Variants in HERC2 observed in about 807,000 individuals in gnomAD.
HERC2 encodes E3 ubiquitin-protein ligase HERC2.
HERC2 carries 102 observed loss-of-function variants against 537.7 expected under a neutral mutation model. That is an observed-to-expected ratio of 0.19 (90% CI 0.16 to 0.22). HERC2 has a LOEUF of 0.22. Ranked by LOEUF, HERC2 falls within the 10% of genes least tolerant of loss-of-function variation. The pLI, the probability that HERC2 is intolerant of heterozygous loss-of-function variation, is 1.00. For missense variants in HERC2, 4,236 were observed against 6,198.2 expected (o/e 0.68, Z 10.63); for synonymous variants, 2,224 against 2,466.2 (o/e 0.90, Z 2.91).
chr15:28,297,683 C>G (rs2076506560), intron 3 of HERC2, among the ~76,000 whole-genome samples: 1 of 152,182 alleles, frequency 6.6e-6, no homozygotes, highest in African/African-American at 2.4e-5. Flanking sequence ...GGAGAAACAT[C>G]AGGCCAACTA....
intron 55 of HERC2, among the ~76,000 whole-genome samples, chr15:28,189,993 CTTTTT>C (rs897974306): frequency 1.4e-5 from 2 of 147,256 alleles, no homozygotes; most frequent in African/African-American, 5.1e-5. Context: ...ACAAAAATAT[CTTTTT>C]TTTTCTTTCT....
At chr15:28,291,018 G>T (rs550628987) in intron 4 of HERC2, among the ~76,000 whole-genome samples, 1 of 152,244 alleles carries the variant, frequency 6.6e-6, no homozygotes, top group Admixed American at 6.5e-5. Context: ...ACCAACAACT[G>T]GTTCTTTGAA....
intron 68 of HERC2, 41 bp downstream of exon 68, chr15:28,167,646 A>C (rs372733603): frequency 6.2e-7 from 1 of 1,609,412 alleles, no homozygotes; most frequent in South Asian, 1.1e-5. Context: ...TACATTTAAG[A>C]TTATTTCACA....
intron 57 of HERC2, among the ~76,000 whole-genome samples, chr15:28,181,577 A>G (rs992832836): frequency 6.6e-6 from 1 of 152,270 alleles, no homozygotes; most frequent in African/African-American, 2.4e-5. Flanking sequence ...AACAGGAAGC[A>G]TAAGCTCACG....
At chr15:28,254,202 G>C (rs2075178597) in intron 20 of HERC2, 138 bp downstream of exon 20, 2 of 587,192 alleles carry the variant, frequency 3.4e-6, no homozygotes, top group Non-Finnish European at 5.8e-6. Context: ...AGAATCACTT[G>C]AACCTGGGAG....
chr15:28,198,210 G>T (rs529516745), intron 50 of HERC2, among the ~76,000 whole-genome samples, 168 bp downstream of exon 50: 24 of 152,272 alleles, frequency 1.6e-4, no homozygotes, highest in Non-Finnish European at 3.1e-4. Context: ...TTCACTGCAG[G>T]TGAGTTCCTC....
chr15:28,206,106 A>G, intron 45 of HERC2, 134 bp downstream of exon 45: 1 of 564,328 alleles, frequency 1.8e-6, no homozygotes, highest in Non-Finnish European at 3.1e-6. Context: ...GTTAAACCCC[A>G]ATGAATCATT....
chr15:28,303,178 C>T (rs1195080016), intron 2 of HERC2, among the ~76,000 whole-genome samples: 5 of 152,156 alleles, frequency 3.3e-5, no homozygotes, highest in African/African-American at 1.2e-4. Context: ...ATGTGATTTT[C>T]GTATATGGTG....
At chr15:28,263,245 T>C in intron 14 of HERC2, 76 bp from the exon 15 acceptor site, 4 of 1,510,294 alleles carry the variant, frequency 2.6e-6, no homozygotes, top group Admixed American at 1.9e-5. Flanking sequence ...GCAAATAATA[T>C]AATGAAAAAC....
intron 32 of HERC2, 39 bp from the exon 33 acceptor site, chr15:28,229,635 A>G: frequency 2.5e-6 from 4 of 1,603,646 alleles, no homozygotes; most frequent in Non-Finnish European, 3.4e-6. Flanking sequence ...TGTTATGTAT[A>G]TTACCCAATG....
At chr15:28,153,073 G>A (rs1381925927) in intron 69 of HERC2, among the ~76,000 whole-genome samples, 1 of 152,238 alleles carries the variant, frequency 6.6e-6, no homozygotes, top group Non-Finnish European at 1.5e-5. Flanking sequence ...AGTCGTTGGG[G>A]CCAGGCACGG....
intron 3 of HERC2, chr15:28,298,668 C>G (rs370644793): frequency 6.6e-6 from 1 of 151,878 alleles, no homozygotes; most frequent in Non-Finnish European, 1.5e-5. Flanking sequence ...TGGTGGCGGG[C>G]GCCTGTAGTC....
At position 28,149,218 on chromosome 15, in the gene HERC2, G is replaced by A. The variant is rs142484179; in HGVS notation, c.10901-2874C>T. Among the ~76,000 whole-genome samples the A allele has an allele frequency of 2.5e-3, 375 of 149,446 alleles. 2 individuals carry two copies. The highest frequency in any genetic ancestry group is 8.5e-3 in the African/African-American group (346 of 40,586). On this transcript the variant is annotated intron_variant, in intron 70 of 92. Coordinates refer to ENST00000261609, the MANE Select transcript of HERC2 (RefSeq NM_004667.6). ...CTAGAAAAATTACCGAAAAATACAC[G>A]CAGCTCCTAACTGAAAACATCACCG...
At chr15:28,280,554 C>G (rs2075995289) in intron 4 of HERC2, among the ~76,000 whole-genome samples, 1 of 152,110 alleles carries the variant, frequency 6.6e-6, no homozygotes, top group Non-Finnish European at 1.5e-5. Context: ...GAGTGCGGCA[C>G]ATGACAGAGA....
chr15:28,211,414 G>A (rs1347688372), intron 43 of HERC2, among the ~76,000 whole-genome samples: 2 of 151,680 alleles, frequency 1.3e-5, no homozygotes, highest in East Asian at 1.9e-4. Context: ...AACACGGTTA[G>A]AACCATGTTA....
chr15:28,271,561 C>T (rs2075729147), intron 9 of HERC2, among the ~76,000 whole-genome samples: 1 of 151,850 alleles, frequency 6.6e-6, no homozygotes, highest in African/African-American at 2.4e-5. Flanking sequence ...CCCAGCTACT[C>T]GGGAGGCTGA....
chr15:28,195,985 A>C (rs1897313488), intron 52 of HERC2, among the ~76,000 whole-genome samples: 3 of 152,230 alleles, frequency 2.0e-5, no homozygotes. Context: ...TGGAAAAACA[A>C]GCAAACAAGC....
chr15:28,251,656 A>C (rs2075087634), intron 20 of HERC2, among the ~76,000 whole-genome samples: 2 of 149,970 alleles, frequency 1.3e-5, no homozygotes, highest in Admixed American at 6.6e-5. Flanking sequence ...AAAAATCAGC[A>C]AGGCGTGGTG....
chr15:28,251,305 T>TCACC (rs1311104888), intron 20 of HERC2, among the ~76,000 whole-genome samples: 2 of 151,714 alleles, frequency 1.3e-5, no homozygotes, highest in Non-Finnish European at 2.9e-5. Context: ...TAGTCAGGTA[T>TCACC]GGTGGCATGC....
Sources: allele counts gnomAD v4.1 joint callset (sites outside exome capture counted in the v4.1 genomes callset), GRCh38; gene constraint gnomAD v4.1.1; transcripts MANE v1.5; gene names NCBI Gene and HGNC (gene_info 2026-07-23, HGNC 2026-07-21).